Variants in EEPD1 observed in about 807,000 individuals in gnomAD.
EEPD1 encodes endonuclease/exonuclease/phosphatase family domain containing 1.
A neutral mutation model predicts 46.3 loss-of-function variants in EEPD1; 17 were observed. The ratio of observed to expected loss-of-function variants is 0.37; its 90% CI spans 0.25 to 0.55. The LOEUF is 0.55. EEPD1 is among the 20% of genes least tolerant of loss of function. EEPD1 has a pLI of 0.83. For missense variants in EEPD1, 673 were observed against 745.6 expected, an observed-to-expected ratio of 0.90 and a Z score of 1.13; for synonymous variants, 313 against 315.6, an observed-to-expected ratio of 0.99 and a Z score of 0.09.
At chr7:36,268,361 A>G (rs1787055806) in intron 3 of EEPD1, among the ~76,000 whole-genome samples, 3 of 152,074 alleles carry the variant, frequency 2.0e-5, no homozygotes, top group Non-Finnish European at 4.4e-5. Context: ...GGGTTTCACC[A>G]TCTTGTCCAG....
chr7:36,282,455 C>T (rs1787276478), intron 4 of EEPD1, among the ~76,000 whole-genome samples: 1 of 152,164 alleles, frequency 6.6e-6, no homozygotes, highest in Admixed American at 6.5e-5. Context: ...CTGACCTGGC[C>T]CCTCCCGCAG....
Position 36,154,828 on chromosome 7 carries a change from T to C in EEPD1, c.504T>C (p.His168=), listed in dbSNP as rs749920333. The C allele has an allele frequency of 7.4e-6, 12 of 1,614,066 alleles. No individual in the cohort carries two copies. Among genetic ancestry groups the C allele is most frequent in the Non-Finnish European group, 1.0e-5 (12 of 1,180,040 alleles). The change falls in exon 2 of 8, where the codon CAT becomes CAC. Residue 168 remains histidine (H), a synonymous_variant. Transcript: ENST00000242108. This position sits in a 1 kb window ranked among gnomAD's most constrained non-coding sequence, Gnocchi z 4.2. ...ALSIVDFRRE[H]GPFRSVEDLV... is the part of the protein sequence containing the mutation. ...GCATCGTGGACTTCCGCCGTGAGCA[T>C]GGGCCCTTTCGCAGCGTTGAGGACC...
chr7:36,218,046 T>C (rs555586635), intron 2 of EEPD1, among the ~76,000 whole-genome samples: 1 of 152,314 alleles, frequency 6.6e-6, no homozygotes, highest in African/African-American at 2.4e-5. Flanking sequence ...GTTCTTAAGA[T>C]GGTGGCAATG....
rs1403598735 is a variant in EEPD1 at position 36,277,794 on chromosome 7, G to A, written c.931-3321G>A. 6.6e-5 allele frequency among the ~76,000 whole-genome samples: 10 copies of A among 152,100 alleles called. No homozygotes were observed. The South Asian group carries it at 1.7e-3, about 25-fold the overall frequency. On this transcript the variant is annotated intron_variant, in intron 3 of 7. Coordinates refer to ENST00000242108, the MANE Select transcript of EEPD1 (RefSeq NM_030636.3). ...CAAGTTATTAACTATCCCTAATAAC[G>A]TAAATACTGAAGAAGAAGGCAGAGC...
In EEPD1 at chr7:36,256,048, G is replaced by T. The variant is rs745460139; in HGVS notation, c.930+17012G>T. On this transcript the variant is annotated intron_variant, in intron 3 of 7. Coordinates refer to ENST00000242108, the MANE Select transcript of EEPD1 (RefSeq NM_030636.3). ...TGTCTGTGTTCTCATTGGCTTCAAA[G>T]AACTTATTTATTTCTGCCTTAATTT... 4.6e-5 allele frequency among the ~76,000 whole-genome samples: 7 copies of T among 152,286 alleles called. No homozygotes were observed. In the East Asian group the frequency reaches 7.7e-4, roughly 17 times the overall value.
intron 3 of EEPD1, among the ~76,000 whole-genome samples, chr7:36,264,784 C>T (rs1053058915): frequency 6.6e-6 from 1 of 152,062 alleles, no homozygotes; most frequent in Non-Finnish European, 1.5e-5. Context: ...TAAAAGATAG[C>T]TTGGGTATTT....
intron 2 of EEPD1, among the ~76,000 whole-genome samples, chr7:36,181,980 T>G (rs1433185048): frequency 2.0e-5 from 3 of 152,206 alleles, no homozygotes; most frequent in African/African-American, 4.8e-5. Context: ...TCTGTTGCGT[T>G]TCTTACCATT....
intron 2 of EEPD1, among the ~76,000 whole-genome samples, chr7:36,189,949 T>C (rs1218550189): frequency 6.6e-6 from 1 of 151,886 alleles, no homozygotes; most frequent in African/African-American, 2.4e-5. Context: ...AGCCCAGGAG[T>C]TTGAGGACAG....
In EEPD1 at chr7:36,190,932, T is replaced by G. The variant is rs1036659853; in HGVS notation, c.878+35730T>G. On this transcript the variant is annotated intron_variant, in intron 2 of 7. Transcript: ENST00000242108. ...CCCCGGAATGCCCGGCCTTCCTCAT[T>G]TTGGTCTCTTGCAGGCCACCTTCCC... 7.2e-5 allele frequency among the ~76,000 whole-genome samples: 11 copies of G among 152,182 alleles called. 1 individual carries two copies. The highest frequency in any genetic ancestry group is 2.7e-4 in the African/African-American group (11 of 41,426).
chr7:36,192,471 A>G (rs1301157091), intron 2 of EEPD1, among the ~76,000 whole-genome samples: 2 of 151,910 alleles, frequency 1.3e-5, no homozygotes, highest in African/African-American at 4.8e-5. Flanking sequence ...GGACAGTGAC[A>G]CTGTCTATTT....
At position 36,182,616 on chromosome 7, in the gene EEPD1, C is replaced by G. The variant is rs370098550; in HGVS notation, c.878+27414C>G. Among the ~76,000 whole-genome samples, 18 of 152,382 alleles carry G rather than the reference C, an allele frequency of 1.2e-4. No homozygotes were observed. The East Asian group carries it at 3.1e-3, about 26-fold the overall frequency. ...CCAGCGTTTGCCCCGCCTGGGGCCC[C>G]GCATGGCTTTCATCACAAGCTTCTC... On this transcript the variant is annotated intron_variant, in intron 2 of 7. Transcript: ENST00000242108.
At position 36,301,087 on chromosome 7, in the gene EEPD1, A is replaced by G. The variant is rs1005175563; in HGVS notation, c.*1881A>G. The G allele has an allele frequency of 6.6e-6, 1 of 152,210 alleles. No homozygotes were observed. Among genetic ancestry groups the G allele is most frequent in the African/African-American group, 2.4e-5 (1 of 41,450 alleles). The allele number at this position is 152,210 out of a possible 1,614,324, so 9.4% of individuals were successfully genotyped here. The stretch of plus-strand genomic sequence containing the variant: ...TTTGCAACCAAAGCTGTGGACAGAA[A>G]AGCCTCCTTAAGTGAGCTGAGGGGA... On this transcript the variant is annotated 3_prime_UTR_variant, in exon 8 of 8. Transcript: ENST00000242108.
At chr7:36,222,497 T>G (rs1323133812) in intron 2 of EEPD1, among the ~76,000 whole-genome samples, 1 of 152,238 alleles carries the variant, frequency 6.6e-6, no homozygotes, top group Non-Finnish European at 1.5e-5. Context: ...AAGGGTGAAC[T>G]GTATATATAA....
At chr7:36,220,741 C>G (rs1583816909) in intron 2 of EEPD1, among the ~76,000 whole-genome samples, 1 of 152,330 alleles carries the variant, frequency 6.6e-6, no homozygotes, top group East Asian at 1.9e-4. Context: ...CTTTGTCCTT[C>G]TCCTTTCACC....
chr7:36,219,761 A>AAG (rs1190851427), intron 2 of EEPD1, among the ~76,000 whole-genome samples: 1 of 124,412 alleles, frequency 8.0e-6, no homozygotes, highest in African/African-American at 3.2e-5. Context: ...CATGCATTTA[A>AAG]AGAGAGAGAG....
intron 2 of EEPD1, among the ~76,000 whole-genome samples, chr7:36,188,598 T>C (rs918815264): frequency 6.6e-6 from 1 of 152,184 alleles, no homozygotes; most frequent in Admixed American, 6.5e-5. Flanking sequence ...GGGGGTGTCC[T>C]GTGATCCCAA....
chr7:36,197,220 C>A (rs945070119), intron 2 of EEPD1, among the ~76,000 whole-genome samples: 4 of 150,916 alleles, frequency 2.7e-5, no homozygotes, highest in Middle Eastern at 3.4e-3. Context: ...GCCCGGCAGC[C>A]ACCCCGTCCG....
At chr7:36,289,729 C>T (rs1048171671) in intron 6 of EEPD1, among the ~76,000 whole-genome samples, 26 of 152,312 alleles carry the variant, frequency 1.7e-4, no homozygotes, top group African/African-American at 6.3e-4. Flanking sequence ...CTCCTGACCT[C>T]GTGATCTGCC....
At chr7:36,266,341 C>A (rs1296510264) in intron 3 of EEPD1, among the ~76,000 whole-genome samples, 1 of 152,136 alleles carries the variant, frequency 6.6e-6, no homozygotes, top group Non-Finnish European at 1.5e-5. Flanking sequence ...CCTAGGTGCT[C>A]AGTAACCATA....
Sources: gnomAD v4.1 joint callset for allele counts (sites outside exome capture counted in the v4.1 genomes callset) on GRCh38, gnomAD v4.1.1 for gene constraint, Gnocchi (gnomAD v3.1) non-coding constraint, MANE v1.5 for transcripts, NCBI Gene and HGNC (gene_info 2026-07-23, HGNC 2026-07-21) for gene names.